The following PRKCZ variants were observed in gnomAD, a reference collection of about 807,000 sequenced individuals.
The protein encoded by PRKCZ is protein kinase C zeta type.
Under a neutral mutation model 79.5 loss-of-function variants are expected in PRKCZ, and 33 were observed. That is an observed-to-expected ratio of 0.41 (90% CI 0.31 to 0.55). The LOEUF (loss-of-function observed/expected upper bound fraction) is 0.55, where lower values mean the gene tolerates loss of function less well. PRKCZ is among the 20% of genes least tolerant of loss of function. The pLI is 0.19. For synonymous variants in PRKCZ, 342 were observed against 320.9 expected (o/e 1.07, Z -0.70); for missense variants, 578 against 813.5 (o/e 0.71, Z 3.52).
chr1:2,082,352 C>T lies in PRKCZ; in HGVS notation c.334+22761C>T, dbSNP rs1411474700. On this transcript the variant is annotated intron_variant, in intron 4 of 17. Coordinates refer to ENST00000378567, the MANE Select transcript of PRKCZ (RefSeq NM_002744.6). This position sits in a 1 kb window ranked among gnomAD's most constrained non-coding sequence, Gnocchi z 4.4. ...TTGGCAAATCACCTCTTTCAAGTTG[C>T]CGGCTACCCGGCTGCCGTAGACAGA... The T allele has an allele frequency of 1.1e-5, 5 of 455,680 alleles. No individual in the cohort carries two copies. Among genetic ancestry groups the T allele is most frequent in the Non-Finnish European group, 1.8e-5 (4 of 226,730 alleles). 28.2% of individuals were successfully genotyped at this position (455,680 alleles called of 1,614,324 possible). A position where few individuals can be genotyped will look rare whatever the true frequency, so the allele number is the denominator to read the frequency against.
chr1:2,054,920 G>A (rs1260339228), intron 1 of PRKCZ, among the ~76,000 whole-genome samples: 1 of 150,672 alleles, frequency 6.6e-6, no homozygotes, highest in Non-Finnish European at 1.5e-5. Flanking sequence ...TTTTCTCTGT[G>A]CAAGGAAGTT....
intron 4 of PRKCZ, among the ~76,000 whole-genome samples, chr1:2,070,921 TGCCTCCCGCCCTCATA>T (rs969314190): frequency 1.3e-5 from 2 of 152,110 alleles, no homozygotes; most frequent in Admixed American, 6.5e-5. Flanking sequence ...CTGGCCCGTC[TGCCTCCCGCCCTCATA>T]GCCCTGTAGC....
chr1:2,056,886 G>A (rs1025824450), intron 3 of PRKCZ, among the ~76,000 whole-genome samples: 32 of 151,894 alleles, frequency 2.1e-4, no homozygotes, highest in Middle Eastern at 3.4e-3. Flanking sequence ...CCGCCACCAC[G>A]CCCGGCTAAT....
intron 4 of PRKCZ, among the ~76,000 whole-genome samples, chr1:2,091,672 A>G (rs917518917): frequency 2.0e-5 from 3 of 152,124 alleles, no homozygotes; most frequent in Non-Finnish European, 4.4e-5. Context: ...ACGTCTGCAC[A>G]GGTCCTTTGC....
chr1:2,114,441 A>C (rs1204431561), intron 4 of PRKCZ, among the ~76,000 whole-genome samples: 1 of 152,272 alleles, frequency 6.6e-6, no homozygotes, highest in Non-Finnish European at 1.5e-5. Context: ...AGTTCAGCTC[A>C]CAAAAGTTAA....
chr1:2,112,359 G>T (rs2102724491), intron 4 of PRKCZ, among the ~76,000 whole-genome samples: 1 of 152,290 alleles, frequency 6.6e-6, no homozygotes, highest in African/African-American at 2.4e-5. Flanking sequence ...AGCCGGCGAG[G>T]CGGCCCGCGA....
chr1:2,124,277 ACGGC>A, intron 4 of PRKCZ, among the ~76,000 whole-genome samples: 1 of 137,486 alleles, frequency 7.3e-6, no homozygotes, highest in Non-Finnish European at 1.6e-5. Context: ...AGTTAGGGTC[ACGGC>A]TGTAGTTAGC....
In PRKCZ at chr1:2,150,975, CGAG is replaced by C; in HGVS notation, c.875_876+1del. The C allele has an allele frequency of 6.2e-7, 1 of 1,613,356 alleles. No homozygotes were observed. The highest frequency in any genetic ancestry group is 8.5e-7 in the Non-Finnish European group (1 of 1,179,956). ...TGAAGAAAGAGCTGGTGCATGATGA[CGAG>C]GTAGGTGCCGCTTCTCATGGGGCCC... On this transcript the variant is annotated inframe_deletion and splice_region_variant, in exon 9 of 18. Coordinates refer to ENST00000378567, the MANE Select transcript of PRKCZ (RefSeq NM_002744.6).
chr1:2,143,012 T>A (rs1677699593), intron 5 of PRKCZ: 1 of 151,718 alleles, frequency 6.6e-6, no homozygotes, highest in Admixed American at 6.6e-5. Context: ...CACAGTACAC[T>A]GTATTTCCTC....
chr1:2,058,629 C>T (rs1482960076), intron 3 of PRKCZ, among the ~76,000 whole-genome samples: 8 of 152,256 alleles, frequency 5.3e-5, no homozygotes, highest in Non-Finnish European at 1.0e-4. Context: ...GGTTCAGTGG[C>T]ACACACTTGT....
Position 2,102,388 on chromosome 1 carries a change from A to G in PRKCZ, c.335-32874A>G, listed in dbSNP as rs552778306. On this transcript the variant is annotated intron_variant, in intron 4 of 17. Transcript: ENST00000378567. ...CACTGTGCTGCCCAGGCTGGAGTGC[A>G]GTGGTGCAATCTTGGCTCACTGCAA... Among the ~76,000 whole-genome samples the G allele has an allele frequency of 2.0e-5, 3 of 151,250 alleles. No homozygotes were observed. In the East Asian group the frequency reaches 5.8e-4, roughly 29 times the overall value.
intron 4 of PRKCZ, among the ~76,000 whole-genome samples, chr1:2,105,460 C>T (rs986718244): frequency 6.6e-5 from 10 of 152,192 alleles, no homozygotes; most frequent in Admixed American, 6.5e-4. Context: ...AGTGCAGTGG[C>T]GTGATCTCAG....
chr1:2,098,410 G>T (rs1439688448), intron 4 of PRKCZ: 1 of 152,184 alleles, frequency 6.6e-6, no homozygotes, highest in African/African-American at 2.4e-5. Context: ...GGAGGCGTTC[G>T]GCAGCTGTGC....
chr1:2,049,698 G>A (rs145065803), upstream of PRKCZ: 546 of 152,680 alleles, frequency 3.6e-3, 3 homozygotes, highest in African/African-American at 9.6e-3. Flanking sequence ...TTCAGGGGAG[G>A]AGCCCAGGAG....
Position 2,171,722 on chromosome 1 carries a change from T to C in PRKCZ, c.1062-333T>C, listed in dbSNP as rs1214387262. 1.3e-5 allele frequency: 4 copies of C among 296,770 alleles called. No individual in the cohort carries two copies. The Admixed American group carries it at 1.9e-4, about 14-fold the overall frequency. The allele number at this position is 296,770 out of a possible 1,614,324, so 18.4% of individuals were successfully genotyped here. A position where few individuals can be genotyped will look rare whatever the true frequency, so the allele number is the denominator to read the frequency against. On this transcript the variant is annotated intron_variant, in intron 11 of 17. Coordinates refer to ENST00000378567, the MANE Select transcript of PRKCZ (RefSeq NM_002744.6). ...CTGTCTTCCGCAGCAGCGGCGCTGT[T>C]CTGCACTCCTACCACAACGTGCCAT... is the stretch of plus-strand genomic sequence containing the variant.
At chr1:2,100,347 G>A (rs922317629) in intron 4 of PRKCZ, among the ~76,000 whole-genome samples, 1 of 152,252 alleles carries the variant, frequency 6.6e-6, no homozygotes, top group Non-Finnish European at 1.5e-5. Flanking sequence ...GATGGCACAA[G>A]CTGCCAGCCA....
chr1:2,088,294 G>A (rs567119932), intron 4 of PRKCZ, among the ~76,000 whole-genome samples: 7 of 152,060 alleles, frequency 4.6e-5, no homozygotes, highest in South Asian at 4.2e-4. Context: ...TGGATGGTGC[G>A]CCCCATGGGG....
intron 4 of PRKCZ, among the ~76,000 whole-genome samples, chr1:2,120,296 T>TTTG (rs1571545779): frequency 8.5e-6 from 1 of 118,104 alleles, no homozygotes; most frequent in East Asian, 2.4e-4. Context: ...ACTTTTCGTT[T>TTTG]TTTTTTTTTT....
intron 4 of PRKCZ, among the ~76,000 whole-genome samples, chr1:2,102,540 G>A (rs891100192): frequency 1.3e-5 from 2 of 151,814 alleles, no homozygotes; most frequent in South Asian, 2.1e-4. Context: ...CACTGTGTTA[G>A]CCGGGATGGT....
Sources: allele counts gnomAD v4.1 joint callset (sites outside exome capture counted in the v4.1 genomes callset), GRCh38; gene constraint gnomAD v4.1.1; non-coding constraint Gnocchi (gnomAD v3.1); transcripts MANE v1.5; gene names NCBI Gene and HGNC (gene_info 2026-07-23, HGNC 2026-07-21).